Variants in ADAM10 observed in about 807,000 individuals in gnomAD.
ADAM10 encodes the protein ADAM metallopeptidase domain 10.
Under a neutral mutation model 90.1 loss-of-function variants are expected in ADAM10, and 17 were observed. That is an observed-to-expected ratio of 0.19 (90% CI 0.13 to 0.28). The LOEUF (loss-of-function observed/expected upper bound fraction) is 0.28. Ranked by LOEUF, ADAM10 falls within the 10% of genes least tolerant of loss-of-function variation. ADAM10 has a pLI of 1.00. For missense variants in ADAM10, 610 were observed against 914.3 expected (o/e 0.67, Z 4.29); for synonymous variants, 310 against 298.6 (o/e 1.04, Z -0.40).
intron 10 of ADAM10, among the ~76,000 whole-genome samples, chr15:58,623,005 G>A (rs1210967372): frequency 2.0e-5 from 3 of 152,014 alleles, no homozygotes; most frequent in Non-Finnish European, 4.4e-5. Context: ...ACACCAAATC[G>A]ACATGGAAAA....
intron 2 of ADAM10, among the ~76,000 whole-genome samples, chr15:58,711,256 T>C (rs1301603574): frequency 1.3e-5 from 2 of 152,212 alleles, no homozygotes; most frequent in Non-Finnish European, 2.9e-5. Context: ...TAAAAATCAT[T>C]TCTGATGTAT....
chr15:58,723,769 A>G (rs1898938887), intron 1 of ADAM10, among the ~76,000 whole-genome samples: 1 of 152,174 alleles, frequency 6.6e-6, no homozygotes, highest in African/African-American at 2.4e-5. Flanking sequence ...ATAACTGGGT[A>G]GAGAAGAGAC....
chr15:58,721,172 T>A (rs1303015546), intron 1 of ADAM10, among the ~76,000 whole-genome samples: 3 of 152,228 alleles, frequency 2.0e-5, no homozygotes, highest in Non-Finnish European at 4.4e-5. Context: ...AACAAAGTCA[T>A]CTTTTCTCTG....
chr15:58,690,650 A>C (rs2052804), intron 2 of ADAM10, among the ~76,000 whole-genome samples: 34,191 of 151,942 alleles, frequency 0.23, 4,692 homozygotes, highest in East Asian at 0.4. Context: ...CAGCAGAGAG[A>C]GCCAGGTGGG....
At chr15:58,727,660 A>G (rs1899086826) in intron 1 of ADAM10, among the ~76,000 whole-genome samples, 1 of 152,188 alleles carries the variant, frequency 6.6e-6, no homozygotes, top group Non-Finnish European at 1.5e-5. Context: ...GAAAATGTAA[A>G]TATATGCTAA....
At chr15:58,627,590 G>C in intron 10 of ADAM10, 110 bp downstream of exon 10, 2 of 888,128 alleles carry the variant, frequency 2.3e-6, no homozygotes, top group Admixed American at 2.1e-5. Flanking sequence ...CAAAGTGTTA[G>C]CAATAGTAAA....
chr15:58,643,834 T>A, intron 7 of ADAM10, 52 bp downstream of exon 7: 1 of 1,297,148 alleles, frequency 7.7e-7, no homozygotes, highest in Non-Finnish European at 1.1e-6. Context: ...TGTGTAAACA[T>A]AGTCTGGACT....
chr15:58,599,536 C>T (rs2140986833), intron 15 of ADAM10, 62 bp downstream of exon 15: 1 of 1,564,194 alleles, frequency 6.4e-7, no homozygotes, highest in East Asian at 2.3e-5. Flanking sequence ...ATTTATAATT[C>T]AATTCTACCT....
chr15:58,727,197 TTTTTTTTTC>T (rs1267111214), intron 1 of ADAM10, among the ~76,000 whole-genome samples: 3 of 126,000 alleles, frequency 2.4e-5, no homozygotes, highest in African/African-American at 9.7e-5. Context: ...TTTTTTTTTT[TTTTTTTTTC>T]CCAAAAACAG....
At chr15:58,724,085 G>A (rs1236366102) in intron 1 of ADAM10, among the ~76,000 whole-genome samples, 1 of 151,856 alleles carries the variant, frequency 6.6e-6, no homozygotes, top group African/African-American at 2.4e-5. Context: ...GCTGAGGCAG[G>A]AGAATTGCTT....
chr15:58,604,667 G>C (rs1261293001), intron 14 of ADAM10, among the ~76,000 whole-genome samples: 2 of 152,184 alleles, frequency 1.3e-5, no homozygotes, highest in Non-Finnish European at 2.9e-5. Context: ...CAAATAATGT[G>C]ACAAGGCCGT....
At chr15:58,738,391 A>C (rs1899498776) in intron 1 of ADAM10, among the ~76,000 whole-genome samples, 1 of 152,226 alleles carries the variant, frequency 6.6e-6, no homozygotes, top group African/African-American at 2.4e-5. Flanking sequence ...CAATATATTT[A>C]AGTGCCTTTA....
chr15:58,698,922 G>A (rs1308275109), intron 2 of ADAM10, among the ~76,000 whole-genome samples: 2 of 152,100 alleles, frequency 1.3e-5, no homozygotes, highest in African/African-American at 4.8e-5. Context: ...AAGCAATTTT[G>A]ACACCCAGAT....
chr15:58,647,248 ATTTTTTTTTTT>A (rs67378373), intron 5 of ADAM10, among the ~76,000 whole-genome samples: 1,364 of 59,608 alleles, frequency 0.023, 51 homozygotes, highest in Middle Eastern at 0.071. Context: ...GACACTAAGT[ATTTTTTTTTTT>A]TTTTTTTTTT....
intron 9 of ADAM10, among the ~76,000 whole-genome samples, chr15:58,632,814 A>T (rs1281030021): frequency 6.6e-6 from 1 of 152,246 alleles, no homozygotes; most frequent in Non-Finnish European, 1.5e-5. Flanking sequence ...AACAAAACAA[A>T]AAAAGAATTT....
chr15:58,635,282 AAAAAAAAAAAAG>A (rs1444946585), intron 8 of ADAM10, among the ~76,000 whole-genome samples: 28 of 148,690 alleles, frequency 1.9e-4, no homozygotes, highest in South Asian at 1.3e-3. Context: ...CTCAAAAAAA[AAAAAAAAAAAAG>A]AAAGAAAGAA....
chr15:58,730,632 A>G (rs991810941), intron 1 of ADAM10, among the ~76,000 whole-genome samples: 1 of 152,120 alleles, frequency 6.6e-6, no homozygotes, highest in Non-Finnish European at 1.5e-5. Context: ...CCTCTGTGTT[A>G]GTTAATTTTA....
chr15:58,619,821 G>A (rs922274843), intron 11 of ADAM10, among the ~76,000 whole-genome samples: 7 of 151,858 alleles, frequency 4.6e-5, no homozygotes, highest in African/African-American at 1.2e-4. Context: ...AGAGAATGGC[G>A]TGAACCCGGG....
At chr15:58,624,640 C>A (rs1382395332) in intron 10 of ADAM10, among the ~76,000 whole-genome samples, 2 of 152,128 alleles carry the variant, frequency 1.3e-5, no homozygotes, top group South Asian at 2.1e-4. Flanking sequence ...CAAGCAATTT[C>A]TTGTGCCTCA....
Sources: gnomAD v4.1 joint callset for allele counts (sites outside exome capture counted in the v4.1 genomes callset) on GRCh38, gnomAD v4.1.1 for gene constraint, MANE v1.5 for transcripts, NCBI Gene and HGNC (gene_info 2026-07-23, HGNC 2026-07-21) for gene names.